FRMD4A: variants seen among roughly 807,000 people sequenced by gnomAD.
FRMD4A encodes FERM domain-containing protein 4A.
FRMD4A carries 29 observed loss-of-function variants against 129.1 expected under a neutral mutation model. That is an observed-to-expected ratio of 0.22 (90% CI 0.17 to 0.31). FRMD4A has a LOEUF of 0.31. Ranked by LOEUF, FRMD4A falls within the 10% of genes least tolerant of loss-of-function variation. The probability of loss-of-function intolerance (pLI) is 1.00; values close to 1 mark genes in which losing one functional copy is unlikely to be tolerated. For synonymous variants in FRMD4A, 634 were observed against 571.6 expected (o/e 1.11, Z -1.56); for missense variants, 1,272 against 1,375.8 (o/e 0.92, Z 1.19).
chr10:13,835,581 G>A (rs1474349479), intron 3 of FRMD4A, among the ~76,000 whole-genome samples: 1 of 152,044 alleles, frequency 6.6e-6, no homozygotes, highest in Non-Finnish European at 1.5e-5. Context: ...ATACTCATAG[G>A]AGTATGAACC....
intron 3 of FRMD4A, among the ~76,000 whole-genome samples, chr10:13,816,862 G>A (rs898780467): frequency 6.6e-6 from 1 of 152,234 alleles, no homozygotes; most frequent in African/African-American, 2.4e-5. Context: ...GAGGCCACGT[G>A]AGCAAGGCAG....
chr10:14,063,078 CACTT>C (rs1462449196), intron 2 of FRMD4A, among the ~76,000 whole-genome samples: 2 of 152,208 alleles, frequency 1.3e-5, no homozygotes, highest in Non-Finnish European at 2.9e-5. Flanking sequence ...ACTTACGAAA[CACTT>C]AATATGGGCC....
intron 2 of FRMD4A, chr10:14,007,341 C>T (rs2095665759): frequency 6.6e-6 from 1 of 152,150 alleles, no homozygotes; most frequent in Non-Finnish European, 1.5e-5. Context: ...CATGTTGAGC[C>T]TGTCACCCTA....
At chr10:13,709,093 G>A (rs1375579285) in intron 12 of FRMD4A, among the ~76,000 whole-genome samples, 2 of 152,140 alleles carry the variant, frequency 1.3e-5, no homozygotes, top group African/African-American at 4.8e-5. Context: ...CTTCCAAGTA[G>A]CTGGGATTAC....
At chr10:14,122,813 G>A (rs540843016) in intron 2 of FRMD4A, among the ~76,000 whole-genome samples, 46 of 152,034 alleles carry the variant, frequency 3.0e-4, no homozygotes, top group Non-Finnish European at 5.6e-4. Context: ...ACCATTTCAG[G>A]GTTTATAGCG....
At chr10:14,109,174 T>C (rs1837741686) in intron 2 of FRMD4A, among the ~76,000 whole-genome samples, 1 of 145,828 alleles carries the variant, frequency 6.9e-6, no homozygotes, top group Non-Finnish European at 1.5e-5. Flanking sequence ...GAAACAAATA[T>C]GGACTAGGGA....
intron 2 of FRMD4A, among the ~76,000 whole-genome samples, chr10:14,095,225 G>A (rs1474097761): frequency 6.6e-6 from 1 of 152,068 alleles, no homozygotes. Flanking sequence ...GAGACCACTG[G>A]CCATTCAGCT....
intron 2 of FRMD4A, among the ~76,000 whole-genome samples, chr10:14,145,089 G>A (rs889676566): frequency 1.4e-4 from 22 of 152,160 alleles, no homozygotes; most frequent in Non-Finnish European, 3.1e-4. Context: ...GCATTACCAT[G>A]AGCTTACATA....
At chr10:13,723,350 C>G (rs1056275981) in intron 12 of FRMD4A, among the ~76,000 whole-genome samples, 15 of 152,158 alleles carry the variant, frequency 9.9e-5, no homozygotes. Flanking sequence ...TATTAAAACC[C>G]TATGGTTACT....
chr10:14,290,203 A>AT (rs1251450084), intron 2 of FRMD4A, among the ~76,000 whole-genome samples: 2 of 152,076 alleles, frequency 1.3e-5, no homozygotes, highest in Non-Finnish European at 2.9e-5. Context: ...TCCTAATGGC[A>AT]TTTTTTATAG....
rs140570726 is a variant in FRMD4A at position 13,883,845 on chromosome 10, A to G, written c.46-24933T>C. Among the ~76,000 whole-genome samples, 50 of 152,276 alleles carry G rather than the reference A, an allele frequency of 3.3e-4. 1 individual carries two copies. The highest frequency in any genetic ancestry group is 5.9e-4 in the Admixed American group (9 of 15,296). On this transcript the variant is annotated intron_variant, in intron 2 of 24. Transcript: ENST00000357447. ...AAATATATCCTAGTCTTGGATGCAG[A>G]TATAATGTTCTATAAATACTCTCCC...
chr10:14,063,410 T>C (rs1230357510), intron 2 of FRMD4A, among the ~76,000 whole-genome samples: 1 of 152,186 alleles, frequency 6.6e-6, no homozygotes, highest in Non-Finnish European at 1.5e-5. Context: ...ATTATGTTAT[T>C]GTTCTCTTGG....
intron 6 of FRMD4A, among the ~76,000 whole-genome samples, chr10:13,766,478 A>G (rs2092290473): frequency 6.6e-6 from 1 of 152,192 alleles, no homozygotes; most frequent in African/African-American, 2.4e-5. Context: ...AATCTGATGG[A>G]AAGAGCTGCA....
At chr10:14,222,066 A>G (rs1843280820) in intron 2 of FRMD4A, among the ~76,000 whole-genome samples, 1 of 152,218 alleles carries the variant, frequency 6.6e-6, no homozygotes, top group Non-Finnish European at 1.5e-5. Context: ...CGTACATGCC[A>G]TATGTGTCCA....
At chr10:13,701,206 G>C in intron 14 of FRMD4A, 134 bp downstream of exon 14, 1 of 743,476 alleles carries the variant, frequency 1.3e-6, no homozygotes, top group South Asian at 1.7e-5. Flanking sequence ...GTAGCCCTAA[G>C]AGGCAAGCCT....
intron 2 of FRMD4A, among the ~76,000 whole-genome samples, chr10:14,173,063 G>T (rs2131888100): frequency 6.6e-6 from 1 of 152,254 alleles, no homozygotes; most frequent in South Asian, 2.1e-4. Context: ...GTCTATTTGT[G>T]TCCAAATCAT....
At position 14,206,779 on chromosome 10, in the gene FRMD4A, C is replaced by A. The variant is rs1309717527; in HGVS notation, c.45+123279G>T. Among the ~76,000 whole-genome samples, 4 of 111,052 alleles carry A rather than the reference C, an allele frequency of 3.6e-5. No individual in the cohort carries two copies. The Admixed American group carries it at 5.5e-4, about 15-fold the overall frequency. 72.9% of individuals were successfully genotyped at this position (111,052 alleles called of 152,430 possible). ...CTGAGATCGCGCCACTACACTCCAG[C>A]AGCCTGGATGACAGAGTGAGACGCT... On this transcript the variant is annotated intron_variant, in intron 2 of 24. Transcript: ENST00000357447.
At chr10:13,701,780 T>C (rs932989934) in intron 13 of FRMD4A, among the ~76,000 whole-genome samples, 1 of 152,196 alleles carries the variant, frequency 6.6e-6, no homozygotes, top group East Asian at 1.9e-4. Flanking sequence ...CCTTTTTCGA[T>C]CCTGGACTTG....
intron 2 of FRMD4A, among the ~76,000 whole-genome samples, chr10:14,224,457 C>T (rs562454499): frequency 6.6e-5 from 10 of 150,994 alleles, no homozygotes; most frequent in African/African-American, 2.5e-4. Flanking sequence ...CTCATTTCCA[C>T]TCCTACTCAT....
Sources: gnomAD v4.1 joint callset for allele counts (sites outside exome capture counted in the v4.1 genomes callset) on GRCh38, gnomAD v4.1.1 for gene constraint, MANE v1.5 for transcripts, NCBI Gene and HGNC (gene_info 2026-07-23, HGNC 2026-07-21) for gene names.